The following NEK7 variants were observed in gnomAD, a reference collection of about 807,000 sequenced individuals.
NEK7 encodes serine/threonine-protein kinase Nek7.
In NEK7, 18 loss-of-function variants were observed where a neutral mutation model predicts 44.6. The observed-to-expected ratio is 0.40, with a 90% CI of 0.28 to 0.60. NEK7 has a LOEUF of 0.60. Among genes scored for constraint, NEK7 ranks in the 20% least tolerant of loss-of-function variants. NEK7 has a pLI of 0.38. For synonymous variants in NEK7, 130 were observed against 121.1 expected (o/e 1.07, Z -0.48); for missense variants, 256 against 366.5 (o/e 0.70, Z 2.46).
At chr1:198,207,644 G>A (rs1167853911) in intron 1 of NEK7, among the ~76,000 whole-genome samples, 1 of 152,122 alleles carries the variant, frequency 6.6e-6, no homozygotes, top group Non-Finnish European at 1.5e-5. Flanking sequence ...AAACTATAGG[G>A]ACAGAATACA....
chr1:198,277,392 C>T (rs560331157), intron 5 of NEK7, among the ~76,000 whole-genome samples: 3 of 151,774 alleles, frequency 2.0e-5, no homozygotes, highest in Non-Finnish European at 4.4e-5. Context: ...GGTTTTTCTT[C>T]CATGGAGTTT....
At position 198,159,762 on chromosome 1, in the gene NEK7, G is replaced by A. The variant is rs1664043336; in HGVS notation, c.-29+2486G>A. ...CCCAGTAAAACAGCACTTACCCAAAGAATGAGGAAAGCACATATGGTATGA... is the reference window on the plus strand; with the variant it reads ...CCCAGTAAAACAGCACTTACCCAAAAAATGAGGAAAGCACATATGGTATGA... On this transcript the variant is annotated intron_variant, in intron 1 of 9. Coordinates refer to ENST00000367385, the MANE Select transcript of NEK7 (RefSeq NM_133494.3). 2.0e-5 allele frequency among the ~76,000 whole-genome samples: 3 copies of A among 152,112 alleles called. No homozygotes were observed. The South Asian group carries it at 6.2e-4, about 32-fold the overall frequency.
At chr1:198,289,578 C>T (rs1445292822) in intron 7 of NEK7, among the ~76,000 whole-genome samples, 2 of 152,130 alleles carry the variant, frequency 1.3e-5, no homozygotes, top group African/African-American at 2.4e-5. Context: ...TGGTTTTGTG[C>T]TGCCTCCCTT....
chr1:198,254,310 T>A (rs765274859), intron 3 of NEK7, among the ~76,000 whole-genome samples: 4 of 152,202 alleles, frequency 2.6e-5, no homozygotes, highest in Admixed American at 6.6e-5. Flanking sequence ...GATAACCATA[T>A]CCTGAATGTA....
intron 1 of NEK7, among the ~76,000 whole-genome samples, chr1:198,171,290 G>A (rs933228726): frequency 2.0e-5 from 3 of 151,858 alleles, no homozygotes; most frequent in Non-Finnish European, 4.4e-5. Flanking sequence ...TTTTTTTAAA[G>A]AAATGCTTCT....
At chr1:198,265,133 A>G (rs2102952854) in intron 5 of NEK7, among the ~76,000 whole-genome samples, 1 of 152,222 alleles carries the variant, frequency 6.6e-6, no homozygotes, top group East Asian at 1.9e-4. Flanking sequence ...GACAAAGAGT[A>G]CATGCTGGCT....
chr1:198,206,867 A>T (rs1388473813), intron 1 of NEK7: 1 of 152,156 alleles, frequency 6.6e-6, no homozygotes, highest in African/African-American at 2.4e-5. Flanking sequence ...TATAGAAATA[A>T]GAGTAGGAAT....
At chr1:198,212,748 A>T (rs1469049891) in intron 1 of NEK7, among the ~76,000 whole-genome samples, 1 of 152,206 alleles carries the variant, frequency 6.6e-6, no homozygotes, top group African/African-American at 2.4e-5. Context: ...GCAAGCAGAA[A>T]ATCTGCTGTC....
intron 2 of NEK7, among the ~76,000 whole-genome samples, chr1:198,248,959 A>G (rs1161745515): frequency 6.6e-6 from 1 of 151,856 alleles, no homozygotes; most frequent in Non-Finnish European, 1.5e-5. Flanking sequence ...TTACATATGT[A>G]TACATGTGCC....
chr1:198,200,143 T>G (rs1420736501), intron 1 of NEK7, among the ~76,000 whole-genome samples: 3 of 152,256 alleles, frequency 2.0e-5, no homozygotes, highest in Non-Finnish European at 4.4e-5. Flanking sequence ...TAATTAGGAC[T>G]TCTATTGTTT....
In NEK7 at chr1:198,307,447, A is replaced by G. The variant is rs150936461; in HGVS notation, c.798+10207A>G. On this transcript the variant is annotated intron_variant, in intron 9 of 9. Transcript: ENST00000367385. ...TCTGGTGGTCTAATTTAATTAAAGG[A>G]TAGAACTTAGATTATCCAAAGTTGT... 1.6e-3 allele frequency among the ~76,000 whole-genome samples: 250 copies of G among 152,262 alleles called. 1 individual carries two copies. Among genetic ancestry groups the G allele is most frequent in the African/African-American group, 5.6e-3 (233 of 41,566 alleles).
chr1:198,294,425 T>C (rs1435482011), intron 8 of NEK7, among the ~76,000 whole-genome samples: 1 of 152,218 alleles, frequency 6.6e-6, no homozygotes, highest in Non-Finnish European at 1.5e-5. Context: ...TATATTTGTT[T>C]AGTTAACCTT....
intron 9 of NEK7, among the ~76,000 whole-genome samples, chr1:198,318,723 A>G (rs1655447832): frequency 6.6e-6 from 1 of 152,134 alleles, no homozygotes; most frequent in Non-Finnish European, 1.5e-5. Flanking sequence ...TGGATCGAGG[A>G]CCATATAGGA....
chr1:198,161,172 C>T (rs901514929), intron 1 of NEK7, among the ~76,000 whole-genome samples: 5 of 152,072 alleles, frequency 3.3e-5, no homozygotes, highest in African/African-American at 9.7e-5. Flanking sequence ...TTGAGAAATA[C>T]GTGTTTTCTG....
intron 2 of NEK7, among the ~76,000 whole-genome samples, chr1:198,252,623 A>G (rs1461978202): frequency 2.1e-5 from 3 of 143,934 alleles, no homozygotes; most frequent in Admixed American, 7.0e-5. Flanking sequence ...TAAAACATGT[A>G]TATGTATGTT....
At chr1:198,236,737 C>T (rs1224117650) in intron 2 of NEK7, among the ~76,000 whole-genome samples, 2 of 152,128 alleles carry the variant, frequency 1.3e-5, no homozygotes, top group African/African-American at 4.8e-5. Context: ...CTCTCAAAGG[C>T]CAACCCTCCC....
chr1:198,215,768 C>T (rs973614009), intron 1 of NEK7, among the ~76,000 whole-genome samples: 4 of 151,456 alleles, frequency 2.6e-5, no homozygotes, highest in South Asian at 4.2e-4. Flanking sequence ...ATTCTTATAT[C>T]AGATAAAACT....
chr1:198,258,634 T>C (rs1653352972), intron 3 of NEK7, among the ~76,000 whole-genome samples: 1 of 152,228 alleles, frequency 6.6e-6, no homozygotes, highest in South Asian at 2.1e-4. Context: ...TAGCTATGAG[T>C]AATTTTGGCA....
intron 4 of NEK7, among the ~76,000 whole-genome samples, chr1:198,262,933 G>A (rs1653525978): frequency 6.6e-6 from 1 of 151,434 alleles, no homozygotes; most frequent in South Asian, 2.1e-4. Context: ...ACCCCAACAA[G>A]ACATATTCTA....
Sources: allele counts gnomAD v4.1 joint callset (sites outside exome capture counted in the v4.1 genomes callset), GRCh38; gene constraint gnomAD v4.1.1; transcripts MANE v1.5; gene names NCBI Gene and HGNC (gene_info 2026-07-23, HGNC 2026-07-21).